The following SGCZ variants were observed in gnomAD, a reference collection of about 807,000 sequenced individuals.
The protein encoded by SGCZ is sarcoglycan zeta, also known as zeta-sarcoglycan.
A neutral mutation model predicts 41.3 loss-of-function variants in SGCZ; 40 were observed. The observed-to-expected ratio is 0.97, with a 90% CI of 0.75 to 1.26. The LOEUF is 1.26. Ranked by LOEUF, SGCZ falls within the 50% of genes most tolerant of loss-of-function variation. The pLI, the probability that SGCZ is intolerant of heterozygous loss-of-function variation, is 0.00. For synonymous variants in SGCZ, 206 were observed against 137.5 expected (o/e 1.50, Z -3.49); for missense variants, 552 against 369.8 (o/e 1.49, Z -4.04).
chr8:14,870,214 C>G (rs73201281), intron 1 of SGCZ, among the ~76,000 whole-genome samples: 15,741 of 152,052 alleles, frequency 0.1, 1,017 homozygotes, highest in Non-Finnish European at 0.14. Flanking sequence ...GGTACTAGTA[C>G]CAGAACAGAT....
chr8:14,580,187 G>T (rs971584719), intron 1 of SGCZ, among the ~76,000 whole-genome samples: 2 of 152,148 alleles, frequency 1.3e-5, no homozygotes, highest in African/African-American at 4.8e-5. Context: ...CAGCCTAAGA[G>T]TAAAATGGGT....
intron 1 of SGCZ, among the ~76,000 whole-genome samples, chr8:14,815,248 T>C (rs1801867454): frequency 6.6e-6 from 1 of 152,086 alleles, no homozygotes; most frequent in Non-Finnish European, 1.5e-5. Flanking sequence ...ATTTTCTTTT[T>C]TTTTTTTGAA....
At chr8:14,277,892 A>G (rs1416452147) in intron 3 of SGCZ, among the ~76,000 whole-genome samples, 4 of 152,108 alleles carry the variant, frequency 2.6e-5, no homozygotes, top group Non-Finnish European at 5.9e-5. Flanking sequence ...ATTAACCACC[A>G]GAGAGAGAGA....
chr8:15,020,672 T>C (rs973379042), intron 1 of SGCZ, among the ~76,000 whole-genome samples: 2 of 152,162 alleles, frequency 1.3e-5, no homozygotes, highest in African/African-American at 4.8e-5. Flanking sequence ...ATAGAGTGAA[T>C]TATAATTTAT....
At chr8:15,119,599 G>C (rs911743942) in intron 1 of SGCZ, among the ~76,000 whole-genome samples, 8 of 148,906 alleles carry the variant, frequency 5.4e-5, no homozygotes, top group Admixed American at 4.6e-4. Flanking sequence ...ATAAAATCGG[G>C]TCAGAGTGTT....
intron 1 of SGCZ, among the ~76,000 whole-genome samples, chr8:14,760,450 A>G (rs1002407746): frequency 5.9e-5 from 9 of 152,348 alleles, no homozygotes; most frequent in Non-Finnish European, 7.3e-5. Context: ...GGGAAAATAT[A>G]TATCTTTAAA....
chr8:14,299,426 G>A (rs924418170), intron 3 of SGCZ, among the ~76,000 whole-genome samples: 1 of 151,842 alleles, frequency 6.6e-6, no homozygotes, highest in African/African-American at 2.4e-5. Context: ...GAAAGGATTT[G>A]TATCAAGAAT....
intron 1 of SGCZ, among the ~76,000 whole-genome samples, chr8:14,702,813 GTAGA>G (rs71209077): frequency 0.073 from 8,346 of 114,824 alleles, 351 homozygotes; most frequent in East Asian, 0.12. Context: ...AGGTAGTTAG[GTAGA>G]TAGATAGATA....
chr8:14,584,956 T>G (rs1435539957), intron 1 of SGCZ, among the ~76,000 whole-genome samples: 1 of 152,120 alleles, frequency 6.6e-6, no homozygotes, highest in Non-Finnish European at 1.5e-5. Context: ...CAACTAGTTT[T>G]GCATAAATCT....
intron 1 of SGCZ, among the ~76,000 whole-genome samples, chr8:15,201,403 A>G (rs1800885023): frequency 6.6e-6 from 1 of 152,224 alleles, no homozygotes; most frequent in Admixed American, 6.5e-5. Flanking sequence ...GTCATCTGTA[A>G]TTATACATAA....
intron 1 of SGCZ, among the ~76,000 whole-genome samples, chr8:15,167,597 C>T (rs560698290): frequency 8.5e-5 from 13 of 152,132 alleles, no homozygotes; most frequent in Non-Finnish European, 1.5e-4. Context: ...ATTCTTTCTG[C>T]GCTTTATGCA....
intron 1 of SGCZ, among the ~76,000 whole-genome samples, chr8:14,881,240 A>C (rs2130723467): frequency 6.6e-6 from 1 of 152,310 alleles, no homozygotes; most frequent in East Asian, 1.9e-4. Flanking sequence ...CAGATTAATC[A>C]TAATCATTAT....
chr8:14,255,436 T>C (rs1388650299), intron 3 of SGCZ, among the ~76,000 whole-genome samples: 1 of 152,002 alleles, frequency 6.6e-6, no homozygotes, highest in African/African-American at 2.4e-5. Flanking sequence ...TTTAGCTTAC[T>C]GCTTCTAATG....
intron 2 of SGCZ, among the ~76,000 whole-genome samples, chr8:14,500,870 A>G (rs185877702): frequency 1.3e-5 from 2 of 152,218 alleles, no homozygotes; most frequent in Admixed American, 1.3e-4. Flanking sequence ...CTCAAAGACA[A>G]AAAGTAGTTC....
At chr8:14,640,646 A>AGG (rs1486356017) in intron 1 of SGCZ, among the ~76,000 whole-genome samples, 8 of 83,890 alleles carry the variant, frequency 9.5e-5, no homozygotes, top group Non-Finnish European at 1.4e-4. Context: ...ACATATATAT[A>AGG]GGGGTGTGTG....
At chr8:14,358,256 A>C (rs942239160) in intron 2 of SGCZ, among the ~76,000 whole-genome samples, 13 of 152,204 alleles carry the variant, frequency 8.5e-5, no homozygotes, top group Non-Finnish European at 1.6e-4. Flanking sequence ...TGTAATTATA[A>C]TATTTTTAGA....
Position 14,091,286 on chromosome 8 carries a change from G to A in SGCZ, c.745-649C>T, listed in dbSNP as rs371118283. 4.0e-5 allele frequency among the ~76,000 whole-genome samples: 6 copies of A among 151,574 alleles called. No homozygotes were observed. In the South Asian group the frequency reaches 6.2e-4, roughly 16 times the overall value. ...AATCCCTGCTATTGTGAAGAGTGCCGCAATAAACTTAAGTGTGCATGTGTC... is the reference window on the plus strand; with the variant it reads ...AATCCCTGCTATTGTGAAGAGTGCCACAATAAACTTAAGTGTGCATGTGTC... On this transcript the variant is annotated intron_variant, in intron 7 of 7. Transcript: ENST00000382080.
chr8:14,672,254 T>C (rs1193735747), intron 1 of SGCZ, among the ~76,000 whole-genome samples: 1 of 152,176 alleles, frequency 6.6e-6, no homozygotes, highest in Non-Finnish European at 1.5e-5. Context: ...ATATAATTAT[T>C]AAAATGTTCA....
chr8:14,715,189 T>G (rs943838511), intron 1 of SGCZ, among the ~76,000 whole-genome samples: 1 of 152,174 alleles, frequency 6.6e-6, no homozygotes, highest in African/African-American at 2.4e-5. Flanking sequence ...GAGCTTTTGG[T>G]TGAGAGTGAA....
Sources: gnomAD v4.1 joint callset for allele counts (sites outside exome capture counted in the v4.1 genomes callset) on GRCh38, gnomAD v4.1.1 for gene constraint, MANE v1.5 for transcripts, NCBI Gene and HGNC (gene_info 2026-07-23, HGNC 2026-07-21) for gene names.